Variants in UBE2J1 observed in about 807,000 individuals in gnomAD.
The protein encoded by UBE2J1 is ubiquitin conjugating enzyme E2 J1.
In UBE2J1, 17 loss-of-function variants were observed where a neutral mutation model predicts 42.1. That is an observed-to-expected ratio of 0.40 (90% CI 0.28 to 0.61). The LOEUF is 0.61. UBE2J1 is among the 20% of genes least tolerant of loss of function. UBE2J1 has a pLI of 0.38. For synonymous variants in UBE2J1, 127 were observed against 137.2 expected, an observed-to-expected ratio of 0.93 and a Z score of 0.52; for missense variants, 291 against 389.4, an observed-to-expected ratio of 0.75 and a Z score of 2.13.
intron 1 of UBE2J1, among the ~76,000 whole-genome samples, chr6:89,352,323 G>C (rs1040584886): frequency 1.3e-5 from 2 of 152,224 alleles, no homozygotes; most frequent in African/African-American, 4.8e-5. Context: ...TGGGTGCTGC[G>C]GGGCGCGCTG....
At chr6:89,344,425 C>A (rs920688944) in intron 1 of UBE2J1, among the ~76,000 whole-genome samples, 1 of 152,208 alleles carries the variant, frequency 6.6e-6, no homozygotes, top group Non-Finnish European at 1.5e-5. Flanking sequence ...AGTCCACTGA[C>A]CCCACAACTT....
intron 3 of UBE2J1, among the ~76,000 whole-genome samples, chr6:89,340,774 GTT>G (rs1179780677): frequency 2.4e-5 from 3 of 126,452 alleles, no homozygotes; most frequent in Admixed American, 7.9e-5. Flanking sequence ...ATTTATTTAT[GTT>G]TTTTTTTTTT....
At chr6:89,352,484 C>G (rs956573860) in intron 1 of UBE2J1, 55 bp downstream of exon 1, 3 of 1,524,978 alleles carry the variant, frequency 2.0e-6, no homozygotes, top group Non-Finnish European at 2.6e-6. Flanking sequence ...CGGCGACCAC[C>G]CCGGGGTCCA....
intron 1 of UBE2J1, among the ~76,000 whole-genome samples, chr6:89,348,242 A>G (rs1768398522): frequency 6.6e-6 from 1 of 152,212 alleles, no homozygotes; most frequent in Non-Finnish European, 1.5e-5. Context: ...TGGCACCTGG[A>G]TGCCTGCTCT....
At chr6:89,334,437 C>A (rs148015255) in intron 6 of UBE2J1, among the ~76,000 whole-genome samples, 1 of 150,758 alleles carries the variant, frequency 6.6e-6, no homozygotes, top group Non-Finnish European at 1.5e-5. Context: ...TATTTCTTGG[C>A]GGTGAGATTA....
chr6:89,333,867 A>G (rs1283247224), intron 6 of UBE2J1, among the ~76,000 whole-genome samples: 2 of 152,238 alleles, frequency 1.3e-5, no homozygotes, highest in Admixed American at 1.3e-4. Context: ...AAAGACAGAC[A>G]GTCCATAGAG....
chr6:89,343,795 A>G (rs1252130607), intron 1 of UBE2J1, 39 bp from the exon 2 acceptor site: 10 of 1,488,000 alleles, frequency 6.7e-6, no homozygotes, highest in Non-Finnish European at 8.3e-6. Context: ...TTTAAAATAT[A>G]CTTTTCTGAA....
At chr6:89,337,481 A>C (rs1227168999) in intron 5 of UBE2J1, among the ~76,000 whole-genome samples, 1 of 152,192 alleles carries the variant, frequency 6.6e-6, no homozygotes, top group Non-Finnish European at 1.5e-5. Flanking sequence ...AAATATCTGT[A>C]GAGGGCCTAC....
intron 2 of UBE2J1, among the ~76,000 whole-genome samples, chr6:89,343,171 T>A (rs1178061248): frequency 1.3e-5 from 2 of 152,162 alleles, no homozygotes; most frequent in African/African-American, 2.4e-5. Flanking sequence ...GTGCAGTGGC[T>A]CACGCCTGTA....
chr6:89,338,448 T>C lies in UBE2J1; in HGVS notation c.322+11A>G. The C allele has an allele frequency of 6.2e-7, 1 of 1,607,534 alleles. No homozygotes were observed. Among genetic ancestry groups the C allele is most frequent in the Non-Finnish European group, 8.5e-7 (1 of 1,175,366 alleles). Reference sequence around the variant, plus strand: ...TTATGAGATTTATATTCACTATAAATTAACACTTACTACTCCACGAAGGCT... The same window carrying C: ...TTATGAGATTTATATTCACTATAAACTAACACTTACTACTCCACGAAGGCT... On this transcript the variant is annotated intron_variant, in intron 4 of 7. Transcript: ENST00000435041.
intron 1 of UBE2J1, among the ~76,000 whole-genome samples, chr6:89,350,050 T>C (rs554935789): frequency 6.6e-6 from 1 of 152,302 alleles, no homozygotes; most frequent in East Asian, 1.9e-4. Flanking sequence ...AGCAGATCCA[T>C]AGACAACTAC....
intron 3 of UBE2J1, among the ~76,000 whole-genome samples, chr6:89,339,071 A>T (rs938839582): frequency 6.6e-6 from 1 of 152,134 alleles, no homozygotes; most frequent in Non-Finnish European, 1.5e-5. Flanking sequence ...TGTTTTTAGA[A>T]GGTGTTTTAC....
rs1458805725 is a variant in UBE2J1 at position 89,329,009 on chromosome 6, C to T, written c.*670G>A. On this transcript the variant is annotated 3_prime_UTR_variant, in exon 8 of 8. Coordinates refer to ENST00000435041, the MANE Select transcript of UBE2J1 (RefSeq NM_016021.3). ...TCTTTTTAAATTTGTGTGATTATGG[C>T]AGCAGAGGGCAGGGGGTGGTGATAA... 2 of 152,160 alleles carry T rather than the reference C, an allele frequency of 1.3e-5. No individual in the cohort carries two copies. The highest frequency in any genetic ancestry group is 2.9e-5 in the Non-Finnish European group (2 of 68,040). The allele number at this position is 152,160 out of a possible 1,614,324, so 9.4% of individuals were successfully genotyped here.
chr6:89,350,589 GTTT>G (rs561984659), intron 1 of UBE2J1, among the ~76,000 whole-genome samples: 3 of 145,306 alleles, frequency 2.1e-5, no homozygotes, highest in Non-Finnish European at 4.6e-5. Flanking sequence ...GAAGCATTGT[GTTT>G]TTTTTTTTAG....
rs1358179369 is a variant in UBE2J1 at position 89,336,841 on chromosome 6, C to CT, written c.428+1363dup. Among the ~76,000 whole-genome samples, 34 of 150,942 alleles carry CT rather than the reference C, an allele frequency of 2.3e-4. 1 individual carries two copies. The South Asian group carries it at 6.5e-3, about 29-fold the overall frequency. On this transcript the variant is annotated intron_variant, in intron 5 of 7. Coordinates refer to ENST00000435041, the MANE Select transcript of UBE2J1 (RefSeq NM_016021.3). ...TGCTACCACGGTTGAATGCAAAAAT[C>CT]TTTGTTTTTTTTTTTTGAGACAAGG...
intron 3 of UBE2J1, among the ~76,000 whole-genome samples, chr6:89,339,200 G>A (rs1029312186): frequency 1.3e-5 from 2 of 151,222 alleles, no homozygotes; most frequent in African/African-American, 4.9e-5. Flanking sequence ...TGAGGCAGGA[G>A]GATCACTTGA....
intron 7 of UBE2J1, among the ~76,000 whole-genome samples, chr6:89,332,087 C>G (rs528779332): frequency 6.6e-6 from 1 of 152,316 alleles, no homozygotes; most frequent in East Asian, 1.9e-4. Context: ...GAGACTCACT[C>G]AAGACTATTC....
intron 6 of UBE2J1, among the ~76,000 whole-genome samples, chr6:89,333,876 A>G (rs1768058851): frequency 6.6e-6 from 1 of 152,236 alleles, no homozygotes; most frequent in South Asian, 2.1e-4. Context: ...CAGTCCATAG[A>G]GAAGTGGAGA....
intron 1 of UBE2J1, among the ~76,000 whole-genome samples, chr6:89,348,478 T>C (rs759763444): frequency 1.3e-5 from 2 of 152,134 alleles, no homozygotes; most frequent in Non-Finnish European, 2.9e-5. Context: ...AAAGCATGAG[T>C]GAAATGCAGG....
Sources: allele counts gnomAD v4.1 joint callset (sites outside exome capture counted in the v4.1 genomes callset), GRCh38; gene constraint gnomAD v4.1.1; transcripts MANE v1.5; gene names NCBI Gene and HGNC (gene_info 2026-07-23, HGNC 2026-07-21).